NFIA: variants seen among roughly 807,000 people sequenced by gnomAD.
NFIA encodes the protein nuclear factor I A.
In NFIA, 8 loss-of-function variants were observed where a neutral mutation model predicts 62.8. That is an observed-to-expected ratio of 0.13 (90% CI 0.07 to 0.23). NFIA has a LOEUF of 0.23. Ranked by LOEUF, NFIA falls within the 10% of genes least tolerant of loss-of-function variation. The pLI is 1.00. For missense variants in NFIA, 410 were observed against 642.1 expected, an observed-to-expected ratio of 0.64 and a Z score of 3.91; for synonymous variants, 235 against 238.1, an observed-to-expected ratio of 0.99 and a Z score of 0.12.
At chr1:61,215,687 A>G (rs577516046) in intron 2 of NFIA, among the ~76,000 whole-genome samples, 2 of 152,362 alleles carry the variant, frequency 1.3e-5, no homozygotes, top group Middle Eastern at 6.8e-3. Context: ...GGATGATACT[A>G]TTTGACTTAT....
intron 3 of NFIA, among the ~76,000 whole-genome samples, chr1:61,298,746 C>T (rs1290393818): frequency 6.6e-6 from 1 of 152,098 alleles, no homozygotes; most frequent in African/African-American, 2.4e-5. Context: ...AGGTGTTTAG[C>T]AGGGTCCTCA....
At chr1:61,227,100 G>A (rs1386835394) in intron 2 of NFIA, among the ~76,000 whole-genome samples, 2 of 152,124 alleles carry the variant, frequency 1.3e-5, no homozygotes, top group Non-Finnish European at 2.9e-5. Flanking sequence ...GATGAGTCTG[G>A]AGATAGCAGA....
Position 61,383,226 on chromosome 1 carries a change from C to A in NFIA, c.947-11C>A, listed in dbSNP as rs1470052616. On this transcript the variant is annotated splice_polypyrimidine_tract_variant and intron_variant, in intron 6 of 10. Coordinates refer to ENST00000403491, the MANE Select transcript of NFIA (RefSeq NM_001134673.4). ...ATTAAAGTGTACTTACCAGTTGATCCTTCTTGCCAGGAATGCCATCTCCAA... is the reference window on the plus strand; with the variant it reads ...ATTAAAGTGTACTTACCAGTTGATCATTCTTGCCAGGAATGCCATCTCCAA... 1.2e-6 allele frequency: 2 copies of A among 1,613,772 alleles called. No homozygotes were observed. The highest frequency in any genetic ancestry group is 3.3e-5 in the Admixed American group (2 of 59,990).
At chr1:61,147,715 TG>T (rs1386218676) in intron 2 of NFIA, among the ~76,000 whole-genome samples, 2 of 152,222 alleles carry the variant, frequency 1.3e-5, no homozygotes, top group African/African-American at 2.4e-5. Context: ...AATTTTCATT[TG>T]TTTTTTTTCA....
intron 7 of NFIA, among the ~76,000 whole-genome samples, chr1:61,391,473 CACA>C (rs1557752408): frequency 6.7e-6 from 1 of 149,630 alleles, no homozygotes; most frequent in Non-Finnish European, 1.5e-5. Context: ...CACACACACA[CACA>C]CACACACACA....
chr1:61,089,626 G>A (rs1646280877), intron 2 of NFIA, among the ~76,000 whole-genome samples: 1 of 151,346 alleles, frequency 6.6e-6, no homozygotes, highest in African/African-American at 2.4e-5. Flanking sequence ...TGAGCCAGAT[G>A]GAAGAAAGAG....
intron 4 of NFIA, among the ~76,000 whole-genome samples, chr1:61,334,541 G>GTC (rs1661483740): frequency 9.8e-5 from 3 of 30,458 alleles, no homozygotes; most frequent in African/African-American, 4.0e-4. Flanking sequence ...ATATATGTGT[G>GTC]TGTGTGTGTG....
chr1:61,130,316 A>G (rs1182825623), intron 2 of NFIA, among the ~76,000 whole-genome samples: 3 of 152,146 alleles, frequency 2.0e-5, no homozygotes, highest in South Asian at 2.1e-4. Context: ...TACCAAATGT[A>G]CAACAGACAG....
chr1:61,286,730 A>G (rs1368010846), intron 3 of NFIA, among the ~76,000 whole-genome samples: 3 of 152,244 alleles, frequency 2.0e-5, no homozygotes, highest in Non-Finnish European at 2.9e-5. Flanking sequence ...GCCAAGTGGC[A>G]TCAAACATTA....
At chr1:61,132,382 A>G (rs1228384833) in intron 2 of NFIA, among the ~76,000 whole-genome samples, 1 of 152,176 alleles carries the variant, frequency 6.6e-6, no homozygotes, top group Non-Finnish European at 1.5e-5. Context: ...TATTCTTTTC[A>G]CGATATTAAT....
At chr1:61,377,639 A>G (rs1664214907) in intron 6 of NFIA, among the ~76,000 whole-genome samples, 2 of 152,200 alleles carry the variant, frequency 1.3e-5, no homozygotes, top group South Asian at 4.1e-4. Flanking sequence ...TCCGTTTGTG[A>G]CTATAAATGA....
At chr1:61,139,880 A>G (rs894840632) in intron 2 of NFIA, among the ~76,000 whole-genome samples, 1 of 118,982 alleles carries the variant, frequency 8.4e-6, no homozygotes, top group African/African-American at 3.0e-5. Context: ...GAATTTACCA[A>G]AAAAAAAAAA....
chr1:61,422,710 C>G (rs867874567), intron 9 of NFIA, among the ~76,000 whole-genome samples: 4 of 148,796 alleles, frequency 2.7e-5, no homozygotes, highest in African/African-American at 1.0e-4. Context: ...AGTTTGAGAC[C>G]AGCCTGAGCA....
intron 10 of NFIA, among the ~76,000 whole-genome samples, chr1:61,433,770 AGG>A (rs1667209609): frequency 6.6e-6 from 1 of 152,158 alleles, no homozygotes; most frequent in Non-Finnish European, 1.5e-5. Context: ...CCCACTGTAT[AGG>A]TTAAAAAAAA....
At chr1:61,379,414 T>C (rs1370112055) in intron 6 of NFIA, among the ~76,000 whole-genome samples, 5 of 144,884 alleles carry the variant, frequency 3.5e-5, no homozygotes, top group African/African-American at 1.3e-4. Flanking sequence ...TTTTTTTTTT[T>C]TTTTTTTTTT....
At chr1:61,381,866 A>G (rs755545722) in intron 6 of NFIA, among the ~76,000 whole-genome samples, 3 of 151,744 alleles carry the variant, frequency 2.0e-5, no homozygotes, top group Non-Finnish European at 4.4e-5. Flanking sequence ...CAGAAATAAC[A>G]GGGACATATT....
intron 10 of NFIA, among the ~76,000 whole-genome samples, chr1:61,444,132 C>T (rs1048028307): frequency 2.6e-5 from 4 of 152,184 alleles, no homozygotes; most frequent in African/African-American, 7.2e-5. Context: ...AGAGAATCAA[C>T]GTGCATTGAC....
At chr1:61,326,180 T>C (rs1389839778) in intron 3 of NFIA, among the ~76,000 whole-genome samples, 1 of 152,134 alleles carries the variant, frequency 6.6e-6, no homozygotes, top group Non-Finnish European at 1.5e-5. Flanking sequence ...TTTATGGCCA[T>C]GATGGACAAT....
intron 2 of NFIA, chr1:61,250,226 T>C (rs2100209269): frequency 6.6e-6 from 1 of 152,326 alleles, no homozygotes; most frequent in African/African-American, 2.4e-5. Flanking sequence ...TTTGTAATAA[T>C]ATAAGTGCTA....
Sources: gnomAD v4.1 joint callset for allele counts (sites outside exome capture counted in the v4.1 genomes callset) on GRCh38, gnomAD v4.1.1 for gene constraint, MANE v1.5 for transcripts, NCBI Gene and HGNC (gene_info 2026-07-23, HGNC 2026-07-21) for gene names.